The following TMEM74 variants were observed in gnomAD, a reference collection of about 807,000 sequenced individuals.
TMEM74 encodes transmembrane protein 74.
In TMEM74, 13 loss-of-function variants were observed where a neutral mutation model predicts 18.1. The observed-to-expected ratio is 0.72, with a 90% CI of 0.47 to 1.14. TMEM74 has a LOEUF of 1.14. Among genes scored for constraint, TMEM74 ranks in the 50% most tolerant of loss-of-function variants. The pLI is 0.00. For synonymous variants in TMEM74, 159 were observed against 146.6 expected, an observed-to-expected ratio of 1.08 and a Z score of -0.61; for missense variants, 372 against 375.9, an observed-to-expected ratio of 0.99 and a Z score of 0.09.
intron 2 of TMEM74, among the ~76,000 whole-genome samples, chr8:108,631,299 T>G (rs755542532): frequency 7.9e-5 from 12 of 151,694 alleles, no homozygotes; most frequent in Non-Finnish European, 1.5e-4. Context: ...GGTAGTGGAG[T>G]GTGAAGGAAC....
At chr8:108,737,698 G>C (rs1813762190) in intron 1 of TMEM74, among the ~76,000 whole-genome samples, 1 of 152,020 alleles carries the variant, frequency 6.6e-6, no homozygotes, top group Non-Finnish European at 1.5e-5. Context: ...CTTCAATACA[G>C]TACAGTATAA....
chr8:108,755,408 T>C (rs557524255), intron 1 of TMEM74, among the ~76,000 whole-genome samples: 1 of 152,244 alleles, frequency 6.6e-6, no homozygotes, highest in Admixed American at 6.5e-5. Flanking sequence ...TTTGTGATAA[T>C]TTGTCATACA....
intron 1 of TMEM74, among the ~76,000 whole-genome samples, chr8:108,754,326 A>C (rs1813934321): frequency 6.6e-6 from 1 of 152,102 alleles, no homozygotes; most frequent in Non-Finnish European, 1.5e-5. Context: ...TTCAAGATAA[A>C]AATAATAAAC....
intron 1 of TMEM74, among the ~76,000 whole-genome samples, chr8:108,787,234 G>C (rs1173214005): frequency 6.6e-6 from 1 of 152,190 alleles, no homozygotes; most frequent in Non-Finnish European, 1.5e-5. Flanking sequence ...CCCTGTGCGA[G>C]CAAAGCCGGG....
intron 2 of TMEM74, among the ~76,000 whole-genome samples, chr8:108,616,076 C>A (rs889690357): frequency 2.0e-5 from 3 of 152,076 alleles, no homozygotes; most frequent in Non-Finnish European, 4.4e-5. Context: ...TGAGCCACTG[C>A]GCCTGGCCTG....
At chr8:108,670,442 G>A (rs1169713114) in intron 1 of TMEM74, among the ~76,000 whole-genome samples, 2 of 152,186 alleles carry the variant, frequency 1.3e-5, no homozygotes, top group Admixed American at 6.5e-5. Context: ...TTAGATCATC[G>A]ATGGAATTTT....
intron 1 of TMEM74, among the ~76,000 whole-genome samples, chr8:108,766,228 CTTCT>C (rs1375734457): frequency 6.6e-6 from 1 of 151,748 alleles, no homozygotes; most frequent in African/African-American, 2.4e-5. Flanking sequence ...TCCTTCCTTT[CTTCT>C]TTCTTTCTCT....
intron 1 of TMEM74, among the ~76,000 whole-genome samples, chr8:108,717,687 A>T (rs987875934): frequency 2.6e-5 from 4 of 152,094 alleles, no homozygotes; most frequent in African/African-American, 4.8e-5. Flanking sequence ...AGAAGGGGCG[A>T]GGGAATGGTC....
intron 1 of TMEM74, among the ~76,000 whole-genome samples, chr8:108,756,744 G>GAA (rs1220362101): frequency 1.9e-5 from 1 of 52,746 alleles, no homozygotes; most frequent in African/African-American, 7.2e-5. Flanking sequence ...GAGAAAGAAA[G>GAA]AAGGGAGGGA....
chr8:108,710,074 G>T (rs916227301), intron 1 of TMEM74, among the ~76,000 whole-genome samples: 2 of 152,176 alleles, frequency 1.3e-5, no homozygotes, highest in African/African-American at 4.8e-5. Flanking sequence ...ATAATAACAG[G>T]ATTACTTCCC....
intron 1 of TMEM74, among the ~76,000 whole-genome samples, chr8:108,666,590 A>G (rs1238436942): frequency 6.6e-6 from 1 of 152,084 alleles, no homozygotes; most frequent in Non-Finnish European, 1.5e-5. Context: ...ATGCTAATGT[A>G]CCCCTGCATA....
At chr8:108,711,024 A>G (rs1210326207) in intron 1 of TMEM74, among the ~76,000 whole-genome samples, 1 of 152,214 alleles carries the variant, frequency 6.6e-6, no homozygotes, top group Non-Finnish European at 1.5e-5. Flanking sequence ...TGACCAAAGC[A>G]CAGCCATGTT....
intron 1 of TMEM74, among the ~76,000 whole-genome samples, chr8:108,656,400 G>C (rs1445538177): frequency 2.6e-5 from 4 of 152,118 alleles, no homozygotes; most frequent in African/African-American, 9.7e-5. Context: ...TCACTCCTTT[G>C]CCCATCTCAA....
intron 1 of TMEM74, among the ~76,000 whole-genome samples, chr8:108,659,007 A>G (rs546378410): frequency 2.3e-4 from 35 of 152,292 alleles, no homozygotes; most frequent in Non-Finnish European, 4.7e-4. Flanking sequence ...TCCACCTGCC[A>G]CTATAGGGCA....
chr8:108,739,860 C>T (rs752298450), intron 1 of TMEM74, among the ~76,000 whole-genome samples: 126 of 152,040 alleles, frequency 8.3e-4, no homozygotes, highest in African/African-American at 2.9e-3. Flanking sequence ...CAACGAAGTC[C>T]GGCGGAGTCA....
At chr8:108,713,210 A>AAAT (rs1813490582) in intron 1 of TMEM74, among the ~76,000 whole-genome samples, 1 of 152,188 alleles carries the variant, frequency 6.6e-6, no homozygotes, top group South Asian at 2.1e-4. Context: ...TTAGCAACTG[A>AAAT]AATAGCATAT....
At chr8:108,684,555 T>C (rs1177326855) in intron 1 of TMEM74, among the ~76,000 whole-genome samples, 1 of 152,130 alleles carries the variant, frequency 6.6e-6, no homozygotes, top group Admixed American at 6.6e-5. Context: ...CTGTTTCCTT[T>C]GTTGTGCAGA....
At chr8:108,723,138 G>T (rs1268275576) in intron 1 of TMEM74, among the ~76,000 whole-genome samples, 1 of 152,194 alleles carries the variant, frequency 6.6e-6, no homozygotes. Context: ...TGAGAATCCT[G>T]TGAGGCAGAT....
At chr8:108,626,476 A>T (rs1210155541) in intron 2 of TMEM74, 2 of 152,052 alleles carry the variant, frequency 1.3e-5, no homozygotes, top group Non-Finnish European at 2.9e-5. Context: ...TGTTTAAATT[A>T]GCCGTTTACG....
Sources: allele counts gnomAD v4.1 joint callset (sites outside exome capture counted in the v4.1 genomes callset), GRCh38; gene constraint gnomAD v4.1.1; transcripts MANE v1.5; gene names NCBI Gene and HGNC (gene_info 2026-07-23, HGNC 2026-07-21).